The following GGT7 variants were observed in gnomAD, a reference collection of about 807,000 sequenced individuals.
GGT7 encodes the protein gamma-glutamyltransferase 7, also known as glutathione hydrolase 7.
Under a neutral mutation model 69.2 loss-of-function variants are expected in GGT7, and 30 were observed. The ratio of observed to expected loss-of-function variants is 0.43; its 90% CI spans 0.32 to 0.59. GGT7 has a LOEUF of 0.59. GGT7 is among the 20% of genes least tolerant of loss of function. The pLI is 0.05. For synonymous variants in GGT7, 388 were observed against 391.8 expected, an observed-to-expected ratio of 0.99 and a Z score of 0.12; for missense variants, 733 against 901.1, an observed-to-expected ratio of 0.81 and a Z score of 2.39.
chr20:34,848,799 GATA>G (rs1292036833), intron 14 of GGT7, among the ~76,000 whole-genome samples: 1 of 152,148 alleles, frequency 6.6e-6, no homozygotes, highest in African/African-American at 2.4e-5. Flanking sequence ...ATAGAATGGG[GATA>G]ATAATATTGA....
At chr20:34,847,239 A>G (rs2079317056) in intron 14 of GGT7, among the ~76,000 whole-genome samples, 1 of 152,152 alleles carries the variant, frequency 6.6e-6, no homozygotes, top group African/African-American at 2.4e-5. Context: ...TCCCCATCCC[A>G]TTGGATAAGT....
rs2079642318 is a variant in GGT7 at position 34,863,736 on chromosome 20, A to C, written c.170-188T>G. ...GGCGGGGCAACGGTGCCCGGCTAGG[A>C]AGAGACAGGGACCTCCCCAGCTGGG... On this transcript the variant is annotated intron_variant, in intron 1 of 14. Coordinates refer to ENST00000336431, the MANE Select transcript of GGT7 (RefSeq NM_178026.3). The surrounding 1 kb of genome is among the most constrained non-coding windows in gnomAD (Gnocchi z 4.4). 1.4e-6 allele frequency: 1 copy of C among 715,996 alleles called. No individual in the cohort carries two copies. Among genetic ancestry groups the C allele is most frequent in the African/African-American group, 1.7e-5 (1 of 57,230 alleles). The allele number at this position is 715,996 out of a possible 1,614,324, so 44.4% of individuals were successfully genotyped here.
Position 34,855,934 on chromosome 20 carries a change from A to T in GGT7, c.1102+872T>A, listed in dbSNP as rs146579630. On this transcript the variant is annotated intron_variant, in intron 8 of 14. Coordinates refer to ENST00000336431, the MANE Select transcript of GGT7 (RefSeq NM_178026.3). Reference sequence around the variant, plus strand: ...CTCAACCTCCTGAGTAGCTAGGACTATAGGTACACCACCACGCCTGGGTAA... The same window carrying T: ...CTCAACCTCCTGAGTAGCTAGGACTTTAGGTACACCACCACGCCTGGGTAA... Among the ~76,000 whole-genome samples, 104 of 152,234 alleles carry T rather than the reference A, an allele frequency of 6.8e-4. 1 individual carries two copies. The highest frequency in any genetic ancestry group is 2.4e-3 in the African/African-American group (98 of 41,522).
chr20:34,851,266 T>C lies in GGT7; in HGVS notation c.1690A>G (p.Asn564Asp). 6.2e-7 allele frequency: 1 copy of C among 1,613,858 alleles called. No homozygotes were observed. The highest frequency in any genetic ancestry group is 1.3e-5 in the African/African-American group (1 of 75,052). The stretch of plus-strand genomic sequence containing the variant: ...CCGCTGAGGCCCCGCGCAGCTCCAT[T>C]GGCCCCCAGAGCGAGGTAGGTTCCA... ...LCGTYLALGA[N>D]GAARGLSGLT... Residue 564 changes from asparagine to aspartate, a missense_variant, in exon 13 of 15, where the codon AAT (asparagine) becomes GAT (aspartate). By Grantham distance (23) the Asn-to-Asp change is conservative. Transcript: ENST00000336431.
chr20:34,849,376 A>C (rs2079353174), intron 14 of GGT7, among the ~76,000 whole-genome samples: 1 of 151,342 alleles, frequency 6.6e-6, no homozygotes, highest in Non-Finnish European at 1.5e-5. Context: ...GGGTCTCACT[A>C]TGTTACTGAG....
intron 12 of GGT7, 73 bp from the exon 13 acceptor site, chr20:34,851,441 C>A: frequency 7.0e-7 from 1 of 1,427,292 alleles, no homozygotes. Context: ...CCTCCACAAC[C>A]CTTCCAACTG....
chr20:34,853,999 T>C (rs563601961), intron 10 of GGT7, among the ~76,000 whole-genome samples: 1 of 152,290 alleles, frequency 6.6e-6, no homozygotes, highest in South Asian at 2.1e-4. Context: ...TGCAGTGGCA[T>C]GATCTCGGCT....
intron 14 of GGT7, among the ~76,000 whole-genome samples, chr20:34,847,543 C>T (rs1174923320): frequency 6.6e-6 from 1 of 152,204 alleles, no homozygotes; most frequent in Non-Finnish European, 1.5e-5. Flanking sequence ...AATCGAAAAT[C>T]TATTTCCTTT....
intron 1 of GGT7, among the ~76,000 whole-genome samples, chr20:34,870,569 C>A (rs1228653624): frequency 2.0e-5 from 3 of 151,096 alleles, no homozygotes; most frequent in Non-Finnish European, 4.4e-5. Context: ...TCGCTCACTG[C>A]AACCTCTGCC....
At chr20:34,861,888 C>T (rs11698977) in intron 3 of GGT7, among the ~76,000 whole-genome samples, 50,473 of 151,928 alleles carry the variant, frequency 0.33, 8,860 homozygotes, top group Middle Eastern at 0.41. Flanking sequence ...GAGCTGGACC[C>T]CTGCCAGCTT....
chr20:34,850,879 A>AT (rs2079378003), intron 13 of GGT7: 1 of 586,612 alleles, frequency 1.7e-6, no homozygotes, highest in African/African-American at 1.8e-5. Context: ...CCTTCCTTTC[A>AT]AATCCCACCC....
At position 34,858,526 on chromosome 20, in the gene GGT7, A is replaced by G. The variant is rs144699840; in HGVS notation, c.1014+917T>C. On this transcript the variant is annotated intron_variant, in intron 7 of 14. Coordinates refer to ENST00000336431, the MANE Select transcript of GGT7 (RefSeq NM_178026.3). ...GGCAGAGACAGATATAATCATCCCCATTGCTCAGATGAGAGAACCACTGAG... is the reference window on the plus strand; with the variant it reads ...GGCAGAGACAGATATAATCATCCCCGTTGCTCAGATGAGAGAACCACTGAG... Among the ~76,000 whole-genome samples the G allele has an allele frequency of 5.1e-3, 770 of 152,310 alleles. 7 individuals are homozygous for G. Among genetic ancestry groups the G allele is most frequent in the African/African-American group, 0.016 (676 of 41,566 alleles).
Position 34,863,015 on chromosome 20 carries a change from C to A in GGT7, c.406-50G>T. On this transcript the variant is annotated intron_variant, in intron 2 of 14. Coordinates refer to ENST00000336431, the MANE Select transcript of GGT7 (RefSeq NM_178026.3). This position sits in a 1 kb window ranked among gnomAD's most constrained non-coding sequence, Gnocchi z 4.4. Reference sequence around the variant, plus strand: ...GGGGGCAGGAGGAGCTGTCCACCTCCCTAGGGCACCTCCACTAGCCCTAGA... The same window carrying A: ...GGGGGCAGGAGGAGCTGTCCACCTCACTAGGGCACCTCCACTAGCCCTAGA... The A allele has an allele frequency of 1.3e-6, 2 of 1,551,140 alleles. No homozygotes were observed. Among genetic ancestry groups the A allele is most frequent in the Non-Finnish European group, 8.8e-7 (1 of 1,139,996 alleles).
At chr20:34,859,300 A>T in intron 7 of GGT7, 143 bp downstream of exon 7, 1 of 594,280 alleles carries the variant, frequency 1.7e-6, no homozygotes, top group Non-Finnish European at 2.7e-6. Context: ...TGACTATTCT[A>T]GAATTTCAAA....
chr20:34,861,183 G>A (rs979910233), intron 4 of GGT7, among the ~76,000 whole-genome samples: 1 of 152,084 alleles, frequency 6.6e-6, no homozygotes, highest in Non-Finnish European at 1.5e-5. Flanking sequence ...CATCAACTTC[G>A]TGACATTTCA....
At chr20:34,855,009 A>G in intron 8 of GGT7, 86 bp from the exon 9 acceptor site, 1 of 1,320,238 alleles carries the variant, frequency 7.6e-7, no homozygotes, top group Non-Finnish European at 1.1e-6. Context: ...CCACCATCAC[A>G]CACTGAGACC....
At chr20:34,870,721 CTCA>C (rs1409362174) in intron 1 of GGT7, among the ~76,000 whole-genome samples, 1 of 151,872 alleles carries the variant, frequency 6.6e-6, no homozygotes, top group Non-Finnish European at 1.5e-5. Context: ...ATCCACCCGC[CTCA>C]GCATCCCAAA....
At chr20:34,857,482 C>G (rs1270836172) in intron 7 of GGT7, among the ~76,000 whole-genome samples, 1 of 152,146 alleles carries the variant, frequency 6.6e-6, no homozygotes, top group Non-Finnish European at 1.5e-5. Flanking sequence ...TTGTACAAAC[C>G]AATGGGCTCA....
At chr20:34,865,123 A>C (rs934915983) in intron 1 of GGT7, among the ~76,000 whole-genome samples, 2 of 151,494 alleles carry the variant, frequency 1.3e-5, no homozygotes, top group African/African-American at 4.9e-5. Context: ...CACCCAGCCC[A>C]CTACTAGAGA....
Sources: gnomAD v4.1 joint callset for allele counts (sites outside exome capture counted in the v4.1 genomes callset) on GRCh38, gnomAD v4.1.1 for gene constraint, Gnocchi (gnomAD v3.1) non-coding constraint, MANE v1.5 for transcripts, NCBI Gene and HGNC (gene_info 2026-07-23, HGNC 2026-07-21) for gene names.